GLYAT: variants seen among roughly 807,000 people sequenced by gnomAD.
GLYAT encodes the protein glycine N-acyltransferase.
In GLYAT, 25 loss-of-function variants were observed where a neutral mutation model predicts 22.8. The observed-to-expected ratio is 1.09, with a 90% confidence interval of 0.80 to 1.53. The LOEUF (loss-of-function observed/expected upper bound fraction) is 1.53. Ranked by LOEUF, GLYAT falls within the 40% of genes most tolerant of loss-of-function variation. The pLI, the probability that GLYAT is intolerant of heterozygous loss-of-function variation, is 0.00. For missense variants in GLYAT, 411 were observed against 353.9 expected (o/e 1.16, Z -1.29); for synonymous variants, 140 against 122.7 (o/e 1.14, Z -0.93).
At chr11:58,721,425 T>C (rs1565058236) in intron 2 of GLYAT, among the ~76,000 whole-genome samples, 1 of 150,756 alleles carries the variant, frequency 6.6e-6, no homozygotes, top group Non-Finnish European at 1.5e-5. Flanking sequence ...CTATTTTAGT[T>C]AAAAAAAAAT....
chr11:58,722,611 G>T (rs556054896), intron 2 of GLYAT, among the ~76,000 whole-genome samples: 1 of 152,228 alleles, frequency 6.6e-6, no homozygotes, highest in East Asian at 1.9e-4. Flanking sequence ...GAGGCAATCA[G>T]ATATGCATCT....
At chr11:58,729,684 A>G (rs1361979585) in intron 1 of GLYAT, among the ~76,000 whole-genome samples, 1 of 152,210 alleles carries the variant, frequency 6.6e-6, no homozygotes, top group Non-Finnish European at 1.5e-5. Context: ...CAATAAACAC[A>G]TATGTATTAA....
At chr11:58,724,574 G>A in intron 1 of GLYAT, 63 bp from the exon 2 acceptor site, 1 of 821,150 alleles carries the variant, frequency 1.2e-6, no homozygotes, top group Middle Eastern at 2.4e-4. Context: ...TGAAACAAGA[G>A]TAGCAAGTTC....
chr11:58,731,131 A>G (rs1322727482), intron 1 of GLYAT, among the ~76,000 whole-genome samples: 2 of 152,184 alleles, frequency 1.3e-5, no homozygotes, highest in Non-Finnish European at 2.9e-5. Context: ...TAAATAAACA[A>G]TAAATCTTGT....
In GLYAT at chr11:58,710,760, A is replaced by T. The variant is rs777373598; in HGVS notation, c.318T>A (p.Ser106Arg). ...INWKQHLQIQ[S>R]SQPSLNEAIQ... ...TAGCCTCATTCAGGCTAGGCTGTGAACCTAGACGGTATAATAAACAGAGAT... is the reference window on the plus strand; with the variant it reads ...TAGCCTCATTCAGGCTAGGCTGTGATCCTAGACGGTATAATAAACAGAGAT... Residue 106 changes from serine (S) to arginine (R), a missense_variant and splice_region_variant, in exon 5 of 6, where the codon AGT becomes AGA. By Grantham distance (110) the Ser-to-Arg change is moderately radical (BLOSUM62 -1). Coordinates refer to ENST00000344743, the MANE Select transcript of GLYAT (RefSeq NM_201648.3). 2 of 1,563,988 alleles carry T rather than the reference A, an allele frequency of 1.3e-6. No homozygotes were observed. Among genetic ancestry groups the T allele is most frequent in the Non-Finnish European group, 8.8e-7 (1 of 1,134,646 alleles).
intron 1 of GLYAT, among the ~76,000 whole-genome samples, chr11:58,730,334 A>G (rs1057201814): frequency 2.0e-5 from 3 of 152,116 alleles, no homozygotes. Flanking sequence ...TTAGTTGGGT[A>G]TGGTGACACA....
intron 3 of GLYAT, among the ~76,000 whole-genome samples, chr11:58,714,800 CTA>C (rs1317061040): frequency 1.3e-5 from 2 of 152,158 alleles, no homozygotes; most frequent in Admixed American, 6.6e-5. Context: ...CCATGCTGAA[CTA>C]TGAGTCAATT....
chr11:58,719,717 G>A (rs894344757), intron 2 of GLYAT, among the ~76,000 whole-genome samples: 7 of 151,886 alleles, frequency 4.6e-5, no homozygotes, highest in Admixed American at 3.9e-4. Flanking sequence ...GCAGGACTTG[G>A]TATGCTTTAT....
chr11:58,718,409 A>G (rs1000269073), intron 2 of GLYAT, among the ~76,000 whole-genome samples: 2 of 152,046 alleles, frequency 1.3e-5, no homozygotes, highest in African/African-American at 4.8e-5. Context: ...TGTGAAAAAG[A>G]TTGGTTCAGT....
intron 3 of GLYAT, among the ~76,000 whole-genome samples, chr11:58,713,769 C>G (rs992136258): frequency 1.3e-5 from 2 of 152,088 alleles, no homozygotes; most frequent in Non-Finnish European, 2.9e-5. Flanking sequence ...AAAAAACCCA[C>G]TCACAAGTCA....
rs372428189 is a variant in GLYAT at position 58,710,176 on chromosome 11, G to A, written c.489-8C>T. On this transcript the variant is annotated splice_region_variant and splice_polypyrimidine_tract_variant and intron_variant, in intron 5 of 5. Transcript: ENST00000344743. ...TTAAACATCTCTTGGTTGCTATGGA[G>A]GGTCCAAGAAGAAAACAAAATCCAT... The A allele has an allele frequency of 4.4e-6, 7 of 1,604,992 alleles. No homozygotes were observed. Among genetic ancestry groups the A allele is most frequent in the African/African-American group, 1.3e-5 (1 of 74,638 alleles).
chr11:58,710,205 T>C, intron 5 of GLYAT, 37 bp from the exon 6 acceptor site: 10 of 1,567,754 alleles, frequency 6.4e-6, no homozygotes, highest in Non-Finnish European at 8.6e-6. Context: ...AATCCATTAG[T>C]ATAAAGGTTT....
chr11:58,719,621 T>A lies in GLYAT; in HGVS notation c.82-4198A>T, dbSNP rs1856724855. ...TGAGTAGCTTTAATTTATTGCCCTG[T>A]GTCTCAGGAAGGCAGTTTATTTTGA... On this transcript the variant is annotated intron_variant, in intron 2 of 5. Transcript: ENST00000344743. Among the ~76,000 whole-genome samples the A allele has an allele frequency of 2.6e-5, 4 of 152,144 alleles. No homozygotes were observed. The South Asian group carries it at 6.2e-4, about 24-fold the overall frequency.
chr11:58,724,632 C>T (rs117851698), intron 1 of GLYAT, 121 bp from the exon 2 acceptor site: 10,737 of 437,648 alleles, frequency 0.025, 174 homozygotes, highest in Middle Eastern at 0.037. Context: ...CAACTGCAGT[C>T]CTCAGCAAAT....
At chr11:58,727,987 G>A (rs1447695096) in intron 1 of GLYAT, among the ~76,000 whole-genome samples, 1 of 148,890 alleles carries the variant, frequency 6.7e-6, no homozygotes, top group African/African-American at 2.5e-5. Flanking sequence ...GGTCTCTCAG[G>A]TCACCCACTT....
At chr11:58,719,298 A>T (rs113190420) in intron 2 of GLYAT, among the ~76,000 whole-genome samples, 6,996 of 152,080 alleles carry the variant, frequency 0.046, 204 homozygotes, top group African/African-American at 0.086. Flanking sequence ...CCCAATAAAA[A>T]CAGCATGAAG....
chr11:58,727,921 G>T (rs1359962134), intron 1 of GLYAT, among the ~76,000 whole-genome samples: 5 of 152,028 alleles, frequency 3.3e-5, no homozygotes, highest in African/African-American at 1.2e-4. Context: ...GGACACAAGA[G>T]CCCAGAAATA....
chr11:58,710,594 C>A lies in GLYAT; in HGVS notation c.484G>T (p.Ala162Ser). 1 of 1,597,098 alleles carries A rather than the reference C, an allele frequency of 6.3e-7. No individual in the cohort carries two copies. The highest frequency in any genetic ancestry group is 8.6e-7 in the Non-Finnish European group (1 of 1,164,256). ...ACTGGATTTTATCAAACTCACATGG[C>A]CTTGGGTTTGCCACCATTGGGAGAT... Reference protein sequence around the residue: ...ILSPNGGKPKAINQEMFKLSS... With the variant: ...ILSPNGGKPKSINQEMFKLSS... The change falls in exon 5 of 6, where the codon GCC becomes TCC. Residue 162 changes from alanine (A) to serine (S), a missense_variant. Physicochemically the swap from Ala to Ser is moderately conservative, Grantham distance 99. Transcript: ENST00000344743.
chr11:58,716,815 G>T (rs1269452150), intron 2 of GLYAT, among the ~76,000 whole-genome samples: 1 of 152,086 alleles, frequency 6.6e-6, no homozygotes, highest in Non-Finnish European at 1.5e-5. Flanking sequence ...ACATGCCCAA[G>T]GTGGCTGGGC....
Sources: allele counts gnomAD v4.1 joint callset (sites outside exome capture counted in the v4.1 genomes callset), GRCh38; gene constraint gnomAD v4.1.1; transcripts MANE v1.5; gene names NCBI Gene and HGNC (gene_info 2026-07-23, HGNC 2026-07-21).